Variants in PDGFD observed in about 807,000 individuals in gnomAD.
PDGFD encodes platelet-derived growth factor D.
Under a neutral mutation model 44.7 loss-of-function variants are expected in PDGFD, and 30 were observed. The observed-to-expected ratio is 0.67, with a 90% CI of 0.50 to 0.91. The LOEUF (loss-of-function observed/expected upper bound fraction) is 0.91, where lower values mean the gene tolerates loss of function less well. PDGFD is among the 40% of genes least tolerant of loss of function. The pLI, the probability that PDGFD is intolerant of heterozygous loss-of-function variation, is 0.00. For missense variants in PDGFD, 445 were observed against 457.8 expected, an observed-to-expected ratio of 0.97 and a Z score of 0.25; for synonymous variants, 173 against 168.4, an observed-to-expected ratio of 1.03 and a Z score of -0.21.
At chr11:103,973,432 A>C (rs189127448) in intron 3 of PDGFD, among the ~76,000 whole-genome samples, 116 of 151,908 alleles carry the variant, frequency 7.6e-4, no homozygotes, top group African/African-American at 2.5e-3. Flanking sequence ...CAGGCGTGAG[A>C]AAAGTGGTCA....
At chr11:104,033,687 G>A (rs957424098) in intron 1 of PDGFD, among the ~76,000 whole-genome samples, 5 of 151,854 alleles carry the variant, frequency 3.3e-5, no homozygotes, top group Admixed American at 2.6e-4. Flanking sequence ...AATCCTCCTC[G>A]CTATGGTTTT....
intron 5 of PDGFD, among the ~76,000 whole-genome samples, chr11:103,935,781 A>G (rs1858479619): frequency 1.3e-5 from 2 of 152,132 alleles, no homozygotes; most frequent in South Asian, 2.1e-4. Context: ...GGTGTTAGAT[A>G]CTCTTTCATT....
chr11:103,947,100 G>A (rs1300513024), intron 4 of PDGFD, among the ~76,000 whole-genome samples: 1 of 152,208 alleles, frequency 6.6e-6, no homozygotes, highest in Non-Finnish European at 1.5e-5. Context: ...TAAGGAGACT[G>A]AATACTGAGA....
intron 1 of PDGFD, among the ~76,000 whole-genome samples, chr11:104,110,526 AAAG>A (rs2134452425): frequency 6.6e-6 from 1 of 151,734 alleles, no homozygotes; most frequent in Non-Finnish European, 1.5e-5. Flanking sequence ...ACAACAAAAA[AAAG>A]AAACTTACAC....
intron 1 of PDGFD, among the ~76,000 whole-genome samples, chr11:104,106,587 G>A (rs929067650): frequency 5.3e-5 from 8 of 152,086 alleles, no homozygotes; most frequent in Non-Finnish European, 4.4e-5. Context: ...TCTGTGCAAG[G>A]AACTTTGTTG....
At chr11:103,963,285 C>G (rs1280201348) in intron 3 of PDGFD, among the ~76,000 whole-genome samples, 2 of 152,108 alleles carry the variant, frequency 1.3e-5, no homozygotes, top group African/African-American at 4.8e-5. Flanking sequence ...AGCTTTAACA[C>G]CTCCTATCTC....
At chr11:103,925,526 C>T (rs1399409361) in intron 6 of PDGFD, among the ~76,000 whole-genome samples, 3 of 151,516 alleles carry the variant, frequency 2.0e-5, no homozygotes, top group African/African-American at 7.3e-5. Context: ...TTTTTCAGTC[C>T]TATTTAAATA....
chr11:103,963,597 A>G (rs747957476), intron 3 of PDGFD, among the ~76,000 whole-genome samples: 2 of 152,160 alleles, frequency 1.3e-5, no homozygotes, highest in African/African-American at 2.4e-5. Flanking sequence ...GGCATTGGGC[A>G]TACATGGGAA....
chr11:104,021,625 G>A (rs1446827513), intron 1 of PDGFD, among the ~76,000 whole-genome samples: 2 of 152,136 alleles, frequency 1.3e-5, no homozygotes, highest in South Asian at 2.1e-4. Flanking sequence ...AGAGCAGATC[G>A]ATATCCAACC....
chr11:104,054,607 A>C (rs538059080), intron 1 of PDGFD, among the ~76,000 whole-genome samples: 1 of 152,222 alleles, frequency 6.6e-6, no homozygotes, highest in African/African-American at 2.4e-5. Flanking sequence ...TTTGAGTAGA[A>C]GGGGAGAAAA....
chr11:103,949,469 G>A (rs577606825), intron 3 of PDGFD, among the ~76,000 whole-genome samples: 77 of 152,324 alleles, frequency 5.1e-4, no homozygotes, highest in African/African-American at 1.8e-3. Context: ...ATAAGTCGGT[G>A]AGCACATAAG....
chr11:103,936,970 G>T (rs1324659587), intron 5 of PDGFD, among the ~76,000 whole-genome samples: 3 of 140,430 alleles, frequency 2.1e-5, no homozygotes, highest in East Asian at 3.9e-4. Flanking sequence ...GGAACTACAG[G>T]TATATGCTTC....
At chr11:103,925,701 A>G (rs1172424030) in intron 6 of PDGFD, among the ~76,000 whole-genome samples, 2 of 46,228 alleles carry the variant, frequency 4.3e-5, no homozygotes, top group Non-Finnish European at 8.6e-5. Context: ...ATATATATAC[A>G]CAGACACACA....
chr11:104,077,955 G>A (rs924176417), intron 1 of PDGFD, among the ~76,000 whole-genome samples: 20 of 152,210 alleles, frequency 1.3e-4, no homozygotes, highest in African/African-American at 4.6e-4. Context: ...GATCCATGCT[G>A]CCCTATGGTC....
chr11:104,085,884 T>G (rs552727412), intron 1 of PDGFD, among the ~76,000 whole-genome samples: 247 of 152,224 alleles, frequency 1.6e-3, no homozygotes, highest in Non-Finnish European at 2.8e-3. Context: ...TGAAAAGTGT[T>G]TAGATCTATT....
At chr11:104,154,228 ATCAT>A (rs374789822) in intron 1 of PDGFD, among the ~76,000 whole-genome samples, 79 of 152,244 alleles carry the variant, frequency 5.2e-4, no homozygotes, top group Middle Eastern at 3.4e-3. Flanking sequence ...TTCTTTCTTC[ATCAT>A]TCATCATGGT....
At chr11:104,038,122 A>G in intron 1 of PDGFD, 1 of 1,174,726 alleles carries the variant, frequency 8.5e-7, no homozygotes, top group Non-Finnish European at 1.2e-6. Flanking sequence ...TAACAACTAA[A>G]CCTGGCCTTG....
At chr11:103,945,113 C>A (rs938183518) in intron 4 of PDGFD, among the ~76,000 whole-genome samples, 1 of 152,078 alleles carries the variant, frequency 6.6e-6, no homozygotes, top group African/African-American at 2.4e-5. Flanking sequence ...TCTGGAGGCA[C>A]GGTCTTTGTC....
chr11:103,949,803 C>T (rs148775406), intron 3 of PDGFD, among the ~76,000 whole-genome samples: 1 of 152,042 alleles, frequency 6.6e-6, no homozygotes, highest in Non-Finnish European at 1.5e-5. Flanking sequence ...GTGGTTGTAC[C>T]TGGGGAGAAA....
Sources: allele counts gnomAD v4.1 joint callset (sites outside exome capture counted in the v4.1 genomes callset), GRCh38; gene constraint gnomAD v4.1.1; transcripts MANE v1.5; gene names NCBI Gene and HGNC (gene_info 2026-07-23, HGNC 2026-07-21).